Variants in CEP128 observed in about 807,000 individuals in gnomAD.
CEP128 encodes the protein centrosomal protein 128.
In CEP128, 132 loss-of-function variants were observed where a neutral mutation model predicts 156.7. The ratio of observed to expected loss-of-function variants is 0.84; its 90% CI spans 0.73 to 0.97. The LOEUF (loss-of-function observed/expected upper bound fraction) is 0.97, where lower values mean the gene tolerates loss of function less well. Among genes scored for constraint, CEP128 ranks in the 50% least tolerant of loss-of-function variants. CEP128 has a pLI of 0.00. For synonymous variants in CEP128, 469 were observed against 448.9 expected (o/e 1.04, Z -0.57); for missense variants, 1,252 against 1,281.9 (o/e 0.98, Z 0.36).
rs1884413414 is a variant in CEP128 at position 80,914,196 on chromosome 14, T to C, written c.234+126A>G. Reference sequence around the variant, plus strand: ...AACCTAAACTTAAACTATAAAATAATAAATCAGTTTAAAATCTAAAGCACT... The same window carrying C: ...AACCTAAACTTAAACTATAAAATAACAAATCAGTTTAAAATCTAAAGCACT... On this transcript the variant is annotated intron_variant, in intron 4 of 24. Coordinates refer to ENST00000555265, the MANE Select transcript of CEP128 (RefSeq NM_152446.5). 1.6e-5 allele frequency: 10 copies of C among 631,330 alleles called. No homozygotes were observed. The South Asian group carries it at 2.0e-4, about 13-fold the overall frequency. 39.1% of individuals were successfully genotyped at this position (631,330 alleles called of 1,614,324 possible).
intron 16 of CEP128, among the ~76,000 whole-genome samples, chr14:80,763,557 T>C (rs1475998305): frequency 6.6e-6 from 1 of 152,196 alleles, no homozygotes; most frequent in Non-Finnish European, 1.5e-5. Context: ...AAGTTTATCC[T>C]TTAAGATGCT....
chr14:80,789,258 G>A (rs748623277), intron 14 of CEP128, among the ~76,000 whole-genome samples: 42 of 152,272 alleles, frequency 2.8e-4, no homozygotes, highest in Admixed American at 7.8e-4. Context: ...GAGGAATGTA[G>A]AAAGATCAAA....
chr14:80,643,779 A>G (rs1894521448), intron 19 of CEP128, among the ~76,000 whole-genome samples: 1 of 152,180 alleles, frequency 6.6e-6, no homozygotes, highest in African/African-American at 2.4e-5. Context: ...TATCCAACAG[A>G]GGCAGCAAAG....
intron 7 of CEP128, 137 bp from the exon 8 acceptor site, chr14:80,895,927 A>G: frequency 3.0e-6 from 2 of 658,090 alleles, no homozygotes; most frequent in Non-Finnish European, 4.7e-6. Flanking sequence ...AAACATCTGA[A>G]ACACGTGGAA....
At position 80,785,375 on chromosome 14, in the gene CEP128, A is replaced by G; in HGVS notation, c.1731T>C (p.Leu577=). ...LRDIKSHQAD[L]ELEVKNSLDT... ...CCAGGGAATTCTTAACTTCCAATTC[A>G]AGGTCAGCTTGATGAGACTTAATAT... Residue 577 remains leucine (L), a synonymous_variant, in exon 15 of 25, where the codon CTT becomes CTC. Transcript: ENST00000555265. The G allele has an allele frequency of 6.2e-7, 1 of 1,614,106 alleles. No homozygotes were observed. Among genetic ancestry groups the G allele is most frequent in the African/African-American group, 1.3e-5 (1 of 75,030 alleles).
chr14:80,955,451 G>A (rs1886610299), intron 2 of CEP128: 1 of 597,030 alleles, frequency 1.7e-6, no homozygotes, highest in Non-Finnish European at 3.0e-6. Flanking sequence ...GGAAAGTGAA[G>A]CAAGCAGACT....
chr14:80,505,165 A>G (rs1887915827), intron 23 of CEP128, 145 bp from the exon 24 acceptor site: 2 of 354,376 alleles, frequency 5.6e-6, no homozygotes, highest in African/African-American at 2.1e-5. Context: ...CACTGTAAAA[A>G]TAAAATATGT....
chr14:80,492,222 C>T (rs1277083378), downstream of CEP128, among the ~76,000 whole-genome samples: 4 of 152,258 alleles, frequency 2.6e-5, no homozygotes, highest in Middle Eastern at 3.4e-3. Context: ...AATAGGTTCT[C>T]TGATATATGA....
intron 20 of CEP128, among the ~76,000 whole-genome samples, chr14:80,575,655 T>G (rs1891323612): frequency 6.6e-6 from 1 of 152,172 alleles, no homozygotes. Flanking sequence ...AAACAGTCAC[T>G]GTGTGGAATT....
intron 12 of CEP128, among the ~76,000 whole-genome samples, chr14:80,832,122 G>A (rs928008157): frequency 2.6e-5 from 4 of 152,164 alleles, no homozygotes; most frequent in Non-Finnish European, 4.4e-5. Context: ...CTGCCACCAC[G>A]TAAGACATGC....
chr14:80,633,208 C>T (rs781178365), intron 19 of CEP128, among the ~76,000 whole-genome samples: 1 of 150,620 alleles, frequency 6.6e-6, no homozygotes. Flanking sequence ...AATCTGGGTG[C>T]CAGAGTTAGA....
chr14:80,844,650 A>G (rs1886508821), intron 9 of CEP128, among the ~76,000 whole-genome samples: 1 of 152,166 alleles, frequency 6.6e-6, no homozygotes, highest in Non-Finnish European at 1.5e-5. Flanking sequence ...TACTATTTCT[A>G]ATAGTAACAG....
chr14:80,635,234 T>A (rs1894131534), intron 19 of CEP128, among the ~76,000 whole-genome samples: 2 of 152,102 alleles, frequency 1.3e-5, no homozygotes, highest in African/African-American at 4.8e-5. Flanking sequence ...CTCCTTGGAG[T>A]CCATACTCAA....
At chr14:80,603,476 C>G (rs973776482) in intron 19 of CEP128, among the ~76,000 whole-genome samples, 1 of 152,118 alleles carries the variant, frequency 6.6e-6, no homozygotes, top group African/African-American at 2.4e-5. Context: ...CTTTAAAAAG[C>G]TGAATTTTAT....
At position 80,526,988 on chromosome 14, in the gene CEP128, A is replaced by AG; in HGVS notation, c.2959-7_2959-6insC. The AG allele has an allele frequency of 7.0e-7, 1 of 1,421,650 alleles. No individual in the cohort carries two copies. Among genetic ancestry groups the AG allele is most frequent in the Non-Finnish European group, 9.7e-7 (1 of 1,027,238 alleles). The allele number at this position is 1,421,650 out of a possible 1,614,324, so 88.1% of individuals were successfully genotyped here. A position where few individuals can be genotyped will look rare whatever the true frequency, so the allele number is the denominator to read the frequency against. On this transcript the variant is annotated splice_region_variant and splice_polypyrimidine_tract_variant and intron_variant, in intron 22 of 24. Coordinates refer to ENST00000555265, the MANE Select transcript of CEP128 (RefSeq NM_152446.5). ...TCAGATGAACTGCAGGAATCCTGGA[A>AG]AAAAAAAAAAGCAAAGGGTCTGAAC... is the stretch of plus-strand genomic sequence containing the variant.
chr14:80,500,885 A>T (rs1887701077), intron 24 of CEP128, among the ~76,000 whole-genome samples: 1 of 152,202 alleles, frequency 6.6e-6, no homozygotes, highest in South Asian at 2.1e-4. Context: ...TAGTAAGGAT[A>T]CTATGACATT....
chr14:80,804,804 C>T (rs1328359709), intron 13 of CEP128, among the ~76,000 whole-genome samples: 1 of 151,966 alleles, frequency 6.6e-6, no homozygotes, highest in Admixed American at 6.6e-5. Context: ...GGAGTAGATG[C>T]TTTAAAAAAT....
intron 16 of CEP128, among the ~76,000 whole-genome samples, chr14:80,770,115 G>A (rs1280605755): frequency 1.3e-5 from 2 of 152,204 alleles, no homozygotes; most frequent in Non-Finnish European, 2.9e-5. Flanking sequence ...CTAGACCCTT[G>A]TAGTTATCAA....
intron 15 of CEP128, among the ~76,000 whole-genome samples, chr14:80,783,516 C>T (rs1254964226): frequency 6.6e-6 from 1 of 152,178 alleles, no homozygotes; most frequent in Non-Finnish European, 1.5e-5. Context: ...CAGTGACCGG[C>T]ACAAAATGTT....
Sources: allele counts gnomAD v4.1 joint callset (sites outside exome capture counted in the v4.1 genomes callset), GRCh38; gene constraint gnomAD v4.1.1; transcripts MANE v1.5; gene names NCBI Gene and HGNC (gene_info 2026-07-23, HGNC 2026-07-21).